ZCCHC14: variants seen among roughly 807,000 people sequenced by gnomAD.
ZCCHC14 encodes zinc finger CCHC-type containing 14, also known as zinc finger CCHC domain-containing protein 14.
ZCCHC14 carries 16 observed loss-of-function variants against 85.0 expected under a neutral mutation model. The ratio of observed to expected loss-of-function variants is 0.19; its 90% CI spans 0.13 to 0.29. The LOEUF (loss-of-function observed/expected upper bound fraction) is 0.29. ZCCHC14 is among the 10% of genes least tolerant of loss of function. ZCCHC14 has a pLI of 1.00. For synonymous variants in ZCCHC14, 775 were observed against 630.7 expected (o/e 1.23, Z -3.43); for missense variants, 1,303 against 1,443.5 (o/e 0.90, Z 1.58).
Position 87,418,867 on chromosome 16 carries a change from G to A in ZCCHC14, c.1080C>T (p.Thr360=), listed in dbSNP as rs141236185. 1.3e-5 allele frequency: 21 copies of A among 1,613,038 alleles called. No homozygotes were observed. The African/African-American group carries it at 1.3e-4, about 10-fold the overall frequency. ...PGNPSLSKVG[T]VMGVSGRPVC... ...CTCACCTTCCAGACACGCCCATCAC[G>A]GTACCTACTTTAGAAAGGGAGGGAT... The change falls in exon 7 of 13, where the codon ACC becomes ACT. Residue 360 remains threonine, a synonymous_variant. Coordinates refer to ENST00000671377, the MANE Select transcript of ZCCHC14 (RefSeq NM_015144.3).
At chr16:87,449,734 G>A (rs778228793) in intron 2 of ZCCHC14, among the ~76,000 whole-genome samples, 1 of 152,192 alleles carries the variant, frequency 6.6e-6, no homozygotes, top group Non-Finnish European at 1.5e-5. Context: ...TTATGGTAGA[G>A]GGGAGAGTTT....
At position 87,477,086 on chromosome 16, in the gene ZCCHC14, T is replaced by C. The variant is rs530860319; in HGVS notation, c.570+14583A>G. Among the ~76,000 whole-genome samples, 8 of 128,990 alleles carry C rather than the reference T, an allele frequency of 6.2e-5. No homozygotes were observed. The East Asian group carries it at 1.4e-3, about 23-fold the overall frequency. 84.6% of individuals were successfully genotyped at this position (128,990 alleles called of 152,430 possible). ...GTTGCAGTGAGCCAAGATCGCTACATTGTACTCTAGCCTGACAGAGAGAGA... is the reference window on the plus strand; with the variant it reads ...GTTGCAGTGAGCCAAGATCGCTACACTGTACTCTAGCCTGACAGAGAGAGA... On this transcript the variant is annotated intron_variant, in intron 1 of 12. Coordinates refer to ENST00000671377, the MANE Select transcript of ZCCHC14 (RefSeq NM_015144.3).
Position 87,458,803 on chromosome 16 carries a change from CAG to C in ZCCHC14, c.694+1203_694+1204del, listed in dbSNP as rs1911106982. Among the ~76,000 whole-genome samples the C allele has an allele frequency of 2.0e-5, 3 of 152,194 alleles. No homozygotes were observed. In the South Asian group the frequency reaches 6.2e-4, roughly 31 times the overall value. ...GAGACAAACATCTTTGTAAATAACACAGGGAGAATAGAGGCCAGCAGATGCGG... is the reference window on the plus strand; with the variant it reads ...GAGACAAACATCTTTGTAAATAACACGGAGAATAGAGGCCAGCAGATGCGG... On this transcript the variant is annotated intron_variant, in intron 2 of 12. Transcript: ENST00000671377.
At chr16:87,467,814 G>T (rs1911597639) in intron 1 of ZCCHC14, among the ~76,000 whole-genome samples, 1 of 152,190 alleles carries the variant, frequency 6.6e-6, no homozygotes, top group African/African-American at 2.4e-5. Context: ...ACCACGCCCG[G>T]CTAATTTTTT....
chr16:87,462,795 C>G (rs558723227), intron 1 of ZCCHC14, among the ~76,000 whole-genome samples: 2 of 145,594 alleles, frequency 1.4e-5, no homozygotes, highest in East Asian at 4.2e-4. Flanking sequence ...CGAGGCCAGG[C>G]TTAGTGGCTC....
chr16:87,481,034 G>A (rs1010865639), intron 1 of ZCCHC14, among the ~76,000 whole-genome samples: 1 of 152,174 alleles, frequency 6.6e-6, no homozygotes, highest in African/African-American at 2.4e-5. Context: ...TGCATTTGAC[G>A]AGGACCATTC....
At chr16:87,462,468 C>CTT (rs1911310138) in intron 1 of ZCCHC14, among the ~76,000 whole-genome samples, 1 of 152,178 alleles carries the variant, frequency 6.6e-6, no homozygotes, top group Non-Finnish European at 1.5e-5. Flanking sequence ...AGGCCGGGTG[C>CTT]AGTGGCTCAC....
chr16:87,455,284 G>GCCCCCGT (rs1910899620), intron 2 of ZCCHC14, among the ~76,000 whole-genome samples: 2 of 151,000 alleles, frequency 1.3e-5, no homozygotes, highest in Admixed American at 6.6e-5. Flanking sequence ...GTGAAACTCC[G>GCCCCCGT]TCCCCCCCCG....
At chr16:87,417,365 T>A in intron 8 of ZCCHC14, 95 bp downstream of exon 8, 1 of 1,530,462 alleles carries the variant, frequency 6.5e-7, no homozygotes, top group Non-Finnish European at 8.9e-7. Flanking sequence ...CCGTACTTCA[T>A]CCACCTTGTG....
intron 1 of ZCCHC14, chr16:87,467,710 G>T: frequency 1.5e-6 from 1 of 682,896 alleles, no homozygotes; most frequent in Non-Finnish European, 2.6e-6. Context: ...GGAGTGCAGT[G>T]GTGCGATCTT....
intron 2 of ZCCHC14, among the ~76,000 whole-genome samples, chr16:87,456,773 A>C (rs1164845060): frequency 6.6e-6 from 1 of 152,184 alleles, no homozygotes; most frequent in East Asian, 1.9e-4. Flanking sequence ...ATACCTATAG[A>C]TGTGACCCAC....
intron 1 of ZCCHC14, among the ~76,000 whole-genome samples, chr16:87,486,939 ACT>A (rs1352334334): frequency 6.6e-6 from 1 of 152,174 alleles, no homozygotes; most frequent in Non-Finnish European, 1.5e-5. Context: ...ATGCTAGATG[ACT>A]CTTGGCTGCA....
chr16:87,484,337 T>C (rs1217923279), intron 1 of ZCCHC14, among the ~76,000 whole-genome samples: 2 of 152,222 alleles, frequency 1.3e-5, no homozygotes, highest in South Asian at 2.1e-4. Context: ...TCTGGTTACA[T>C]TACCGATTTA....
At chr16:87,462,718 C>T (rs1228017440) in intron 1 of ZCCHC14, among the ~76,000 whole-genome samples, 2 of 146,530 alleles carry the variant, frequency 1.4e-5, no homozygotes, top group Non-Finnish European at 3.0e-5. Context: ...CCAGCCTGGG[C>T]GACAGAGACT....
At position 87,468,465 on chromosome 16, in the gene ZCCHC14, A is replaced by AG. The variant is rs1396907491; in HGVS notation, c.571-8335_571-8334insC. ...AATGATACCCTTAATTACATAGTCA[A>AG]AAAAAAAAAAAGTGGTCCTCCACTT... On this transcript the variant is annotated intron_variant, in intron 1 of 12. Transcript: ENST00000671377. Among the ~76,000 whole-genome samples the AG allele has an allele frequency of 3.1e-5, 3 of 97,890 alleles. No homozygotes were observed. In the East Asian group the frequency reaches 1.3e-3, roughly 41 times the overall value. The allele number at this position is 97,890 out of a possible 152,430, so 64.2% of individuals were successfully genotyped here.
chr16:87,423,853 G>A lies in ZCCHC14; in HGVS notation c.797C>T (p.Ser266Leu), dbSNP rs1474610606. The A allele has an allele frequency of 1.9e-6, 3 of 1,614,110 alleles. No homozygotes were observed. Among genetic ancestry groups the A allele is most frequent in the African/African-American group, 1.3e-5 (1 of 75,062 alleles). The change falls in exon 4 of 13, where the codon TCA becomes TTA. Residue 266 changes from serine to leucine, a missense_variant. By Grantham distance (145) the Ser-to-Leu change is moderately radical. Transcript: ENST00000671377. The part of the protein sequence containing the change: ...EVLWSDSSIT[S>L]VTKSSSEVTE... ...CACTTCAGAGGAAGATTTGGTTACT[G>A]ATGTTATTGAAGAATCAGACCACAA...
Position 87,414,200 on chromosome 16 carries a change from G to A in ZCCHC14, c.1603+214C>T, listed in dbSNP as rs539622954. 3.6e-3 allele frequency among the ~76,000 whole-genome samples: 543 copies of A among 149,514 alleles called. 10 individuals are homozygous for A. Among genetic ancestry groups the A allele is most frequent in the African/African-American group, 0.013 (528 of 40,196 alleles). ...GAGTAACCCACCTGCCCGGCACACG[G>A]GCCCTCTCTGTGTACGAGTAACCCA... is the stretch of plus-strand genomic sequence containing the variant. On this transcript the variant is annotated intron_variant, in intron 10 of 12. Coordinates refer to ENST00000671377, the MANE Select transcript of ZCCHC14 (RefSeq NM_015144.3).
chr16:87,475,708 G>C (rs1427125243), intron 1 of ZCCHC14, among the ~76,000 whole-genome samples: 1 of 152,000 alleles, frequency 6.6e-6, no homozygotes, highest in Non-Finnish European at 1.5e-5. Context: ...CCAACCCAAA[G>C]AACAGAGAGA....
intron 1 of ZCCHC14, among the ~76,000 whole-genome samples, chr16:87,463,030 T>C (rs952430391): frequency 6.7e-6 from 1 of 148,760 alleles, no homozygotes; most frequent in African/African-American, 2.5e-5. Flanking sequence ...ATTGCGCCAT[T>C]GCACTCCAGC....
Sources: gnomAD v4.1 joint callset for allele counts (sites outside exome capture counted in the v4.1 genomes callset) on GRCh38, gnomAD v4.1.1 for gene constraint, MANE v1.5 for transcripts, NCBI Gene and HGNC (gene_info 2026-07-23, HGNC 2026-07-21) for gene names.